Variants in CDS2 observed in about 807,000 individuals in gnomAD.
CDS2 encodes phosphatidate cytidylyltransferase 2.
In CDS2, 47 loss-of-function variants were observed where a neutral mutation model predicts 59.0. The observed-to-expected ratio is 0.80, with a 90% CI of 0.63 to 1.02. The LOEUF is 1.02. Ranked by LOEUF, CDS2 falls within the 50% of genes least tolerant of loss-of-function variation. The probability of loss-of-function intolerance (pLI) is 0.00; values close to 1 mark genes in which losing one functional copy is unlikely to be tolerated. For missense variants in CDS2, 356 were observed against 558.9 expected, an observed-to-expected ratio of 0.64 and a Z score of 3.66; for synonymous variants, 207 against 206.4, an observed-to-expected ratio of 1.00 and a Z score of -0.02.
rs750622109 is a variant in CDS2 at position 5,196,175 on chromosome 20, T to A, written c.*5941T>A. ...CATTGAATTGCTGAAGTAATGATAA[T>A]GCCATGAACCAGGAGAAGATGGTTG... On this transcript the variant is annotated 3_prime_UTR_variant, in exon 13 of 13. Transcript: ENST00000460006. The A allele has an allele frequency of 3.3e-5, 5 of 152,182 alleles. No homozygotes were observed. The highest frequency in any genetic ancestry group is 7.3e-5 in the Non-Finnish European group (5 of 68,054). 9.4% of individuals were successfully genotyped at this position (152,182 alleles called of 1,614,324 possible).
At position 5,190,830 on chromosome 20, in the gene CDS2, C is replaced by G. The variant is rs1317117434; in HGVS notation, c.*596C>G. 2.0e-5 allele frequency: 3 copies of G among 152,356 alleles called. No homozygotes were observed. The highest frequency in any genetic ancestry group is 6.6e-5 in the Admixed American group (1 of 15,264). 9.4% of individuals were successfully genotyped at this position (152,356 alleles called of 1,614,324 possible). On this transcript the variant is annotated 3_prime_UTR_variant, in exon 13 of 13. Coordinates refer to ENST00000460006, the MANE Select transcript of CDS2 (RefSeq NM_003818.4). ...GCTCTGCTTTATAAGATGGGTTCACCTTCATCGCAGACTGAAAGTTTCAGT... is the reference window on the plus strand; with the variant it reads ...GCTCTGCTTTATAAGATGGGTTCACGTTCATCGCAGACTGAAAGTTTCAGT...
At chr20:5,166,336 A>G (rs2090913647) in intron 1 of CDS2, among the ~76,000 whole-genome samples, 2 of 152,134 alleles carry the variant, frequency 1.3e-5, no homozygotes, top group Admixed American at 6.5e-5. Context: ...AAAGGGTACC[A>G]TTTGCTAAGA....
intron 5 of CDS2, 119 bp downstream of exon 5, chr20:5,179,075 A>C (rs1036826144): frequency 1.5e-5 from 13 of 866,482 alleles, no homozygotes; most frequent in Non-Finnish European, 2.5e-5. Flanking sequence ...GTGACCATGC[A>C]GGGGAGCAGA....
Position 5,195,184 on chromosome 20 carries a change from T to G in CDS2, c.*4950T>G, listed in dbSNP as rs978000296. The G allele has an allele frequency of 2.0e-5, 3 of 152,156 alleles. No homozygotes were observed. Among genetic ancestry groups the G allele is most frequent in the Non-Finnish European group, 2.9e-5 (2 of 68,028 alleles). 9.4% of individuals were successfully genotyped at this position (152,156 alleles called of 1,614,324 possible). ...AGCATTTAGTACCATGCCTGGCACA[T>G]AGTAAGCACTCAATAAATGGTAGTT... On this transcript the variant is annotated 3_prime_UTR_variant, in exon 13 of 13. Transcript: ENST00000460006.
intron 1 of CDS2, among the ~76,000 whole-genome samples, chr20:5,136,339 G>T (rs1158116217): frequency 6.6e-6 from 1 of 152,120 alleles, no homozygotes; most frequent in East Asian, 1.9e-4. Context: ...GGTTACTCAG[G>T]CTTGAAATCT....
intron 3 of CDS2, 37 bp downstream of exon 3, chr20:5,175,316 A>T: frequency 6.5e-7 from 1 of 1,548,284 alleles, no homozygotes; most frequent in Non-Finnish European, 8.9e-7. Context: ...TTTTCCCTTC[A>T]GTTTTTGCTG....
intron 1 of CDS2, among the ~76,000 whole-genome samples, chr20:5,137,518 C>T (rs897672930): frequency 6.6e-6 from 1 of 152,044 alleles, no homozygotes; most frequent in African/African-American, 2.4e-5. Flanking sequence ...GCTGAGATTA[C>T]AGACATGAGC....
intron 1 of CDS2, among the ~76,000 whole-genome samples, chr20:5,130,698 G>C (rs1031951250): frequency 6.6e-6 from 1 of 151,342 alleles, no homozygotes. Flanking sequence ...CAGGAGAATC[G>C]CTTGAACTTG....
chr20:5,129,311 C>CT (rs1380973122), intron 1 of CDS2, among the ~76,000 whole-genome samples: 1 of 152,194 alleles, frequency 6.6e-6, no homozygotes, highest in Non-Finnish European at 1.5e-5. Flanking sequence ...GAGTCTCTCT[C>CT]TGTCGCCCAG....
chr20:5,180,301 CTT>C (rs76475408), intron 5 of CDS2, among the ~76,000 whole-genome samples: 19 of 140,074 alleles, frequency 1.4e-4, no homozygotes, highest in Admixed American at 1.4e-4. Flanking sequence ...TATTGGCAAA[CTT>C]TTTTTTTTTT....
intron 2 of CDS2, among the ~76,000 whole-genome samples, chr20:5,173,981 A>G (rs1018659727): frequency 1.3e-5 from 2 of 152,236 alleles, no homozygotes; most frequent in Non-Finnish European, 2.9e-5. Flanking sequence ...GACACTGCAC[A>G]GCACAGGAAA....
At position 5,195,545 on chromosome 20, in the gene CDS2, G is replaced by A. The variant is rs1317674055; in HGVS notation, c.*5311G>A. The A allele has an allele frequency of 6.6e-6, 1 of 152,444 alleles. No individual in the cohort carries two copies. The highest frequency in any genetic ancestry group is 6.5e-5 in the Admixed American group (1 of 15,278). 9.4% of individuals were successfully genotyped at this position (152,444 alleles called of 1,614,324 possible). On this transcript the variant is annotated 3_prime_UTR_variant, in exon 13 of 13. Transcript: ENST00000460006. ...GGTACCTCCACTCTGGGCAGGGAGG[G>A]CCTGTCTGTGACTCGCTCTGGACCC...
chr20:5,138,048 C>G (rs2090662707), intron 1 of CDS2, among the ~76,000 whole-genome samples: 1 of 151,826 alleles, frequency 6.6e-6, no homozygotes, highest in African/African-American at 2.4e-5. Context: ...GCGCATGTCT[C>G]AGCTTCCCAA....
Position 5,127,100 on chromosome 20 carries a change from A to G in CDS2, c.8A>G (p.Glu3Gly). 1 of 1,499,286 alleles carries G rather than the reference A, an allele frequency of 6.7e-7. No homozygotes were observed. 92.9% of individuals were successfully genotyped at this position (1,499,286 alleles called of 1,614,324 possible). MT[E>G]LRQRVAHEPV... Reference sequence around the variant, plus strand: ...CGGGCCGATTTTCCCAGGATGACAGAGCTGAGGCAGAGGGTGGCCCATGAG... The same window carrying G: ...CGGGCCGATTTTCCCAGGATGACAGGGCTGAGGCAGAGGGTGGCCCATGAG... The change falls in exon 1 of 13, where the codon GAG becomes GGG. Residue 3 changes from glutamate to glycine, a missense_variant. By Grantham distance (98) the Glu-to-Gly change is moderately conservative. Coordinates refer to ENST00000460006, the MANE Select transcript of CDS2 (RefSeq NM_003818.4).
At chr20:5,136,559 T>A (rs1473792027) in intron 1 of CDS2, among the ~76,000 whole-genome samples, 2 of 152,204 alleles carry the variant, frequency 1.3e-5, no homozygotes. Context: ...CTTTGAGATT[T>A]CCCAAATTTC....
At chr20:5,140,934 A>G (rs920610952) in intron 1 of CDS2, among the ~76,000 whole-genome samples, 1 of 152,164 alleles carries the variant, frequency 6.6e-6, no homozygotes, top group African/African-American at 2.4e-5. Context: ...GTGTGTGTAA[A>G]TTTCTTTTTC....
rs367956095 is a variant in CDS2 at position 5,150,750 on chromosome 20, C to T, written c.58-22773C>T. On this transcript the variant is annotated intron_variant, in intron 1 of 12. Transcript: ENST00000460006. Reference sequence around the variant, plus strand: ...CCACCCCATTTCCTCATCTCTGTCTCCTCTCTAGGCTTCTTTGGAAATTGA... The same window carrying T: ...CCACCCCATTTCCTCATCTCTGTCTTCTCTCTAGGCTTCTTTGGAAATTGA... Among the ~76,000 whole-genome samples, 6 of 152,306 alleles carry T rather than the reference C, an allele frequency of 3.9e-5. No homozygotes were observed. The South Asian group carries it at 1.2e-3, about 32-fold the overall frequency.
intron 1 of CDS2, among the ~76,000 whole-genome samples, chr20:5,153,828 G>A (rs939242178): frequency 3.9e-5 from 6 of 152,148 alleles, no homozygotes; most frequent in Non-Finnish European, 5.9e-5. Flanking sequence ...CTTAAGTACT[G>A]AGAATGTTTT....
rs951891149 is a variant in CDS2 at position 5,190,869 on chromosome 20, A to C, written c.*635A>C. 6.6e-6 allele frequency: 1 copy of C among 152,590 alleles called. No individual in the cohort carries two copies. The highest frequency in any genetic ancestry group is 2.4e-5 in the African/African-American group (1 of 41,448). 9.5% of individuals were successfully genotyped at this position (152,590 alleles called of 1,614,324 possible). A position where few individuals can be genotyped will look rare whatever the true frequency, so the allele number is the denominator to read the frequency against. On this transcript the variant is annotated 3_prime_UTR_variant, in exon 13 of 13. Coordinates refer to ENST00000460006, the MANE Select transcript of CDS2 (RefSeq NM_003818.4). Reference sequence around the variant, plus strand: ...GAAAGTTTCAGTTTTTATTTTTTTCAGAAAGCACGAAAAATTATTTATAAT... The same window carrying C: ...GAAAGTTTCAGTTTTTATTTTTTTCCGAAAGCACGAAAAATTATTTATAAT...
Sources: gnomAD v4.1 joint callset for allele counts (sites outside exome capture counted in the v4.1 genomes callset) on GRCh38, gnomAD v4.1.1 for gene constraint, MANE v1.5 for transcripts, NCBI Gene and HGNC (gene_info 2026-07-23, HGNC 2026-07-21) for gene names.